The following ENTPD1 variants were observed in gnomAD, a reference collection of about 807,000 sequenced individuals.
ENTPD1 encodes ectonucleoside triphosphate diphosphohydrolase 1.
Under a neutral mutation model 57.0 loss-of-function variants are expected in ENTPD1, and 33 were observed. The observed-to-expected ratio is 0.58, with a 90% CI of 0.44 to 0.77. The LOEUF (loss-of-function observed/expected upper bound fraction) is 0.77, where lower values mean the gene tolerates loss of function less well. Among genes scored for constraint, ENTPD1 ranks in the 30% least tolerant of loss-of-function variants. The pLI, the probability that ENTPD1 is intolerant of heterozygous loss-of-function variation, is 0.00. For missense variants in ENTPD1, 501 were observed against 603.4 expected, an observed-to-expected ratio of 0.83 and a Z score of 1.78; for synonymous variants, 202 against 218.8, an observed-to-expected ratio of 0.92 and a Z score of 0.68.
intron 1 of ENTPD1, among the ~76,000 whole-genome samples, chr10:95,786,491 T>C (rs2098180550): frequency 6.6e-6 from 1 of 152,112 alleles, no homozygotes; most frequent in Admixed American, 6.6e-5. Flanking sequence ...TGCACTACCG[T>C]CCTTTGCCTG....
chr10:95,734,982 T>C (rs1290722047), intron 1 of ENTPD1, among the ~76,000 whole-genome samples: 1 of 152,178 alleles, frequency 6.6e-6, no homozygotes. Flanking sequence ...TTTTCTACAT[T>C]GAATCTGTAT....
chr10:95,705,494 G>C, the ENTPD1 span, among the ~76,000 whole-genome samples: 2 of 151,626 alleles, frequency 1.3e-5, no homozygotes, highest in Admixed American at 1.3e-4. Flanking sequence ...AATTTTTTTT[G>C]TTGTTGTTGT....
Position 95,869,585 on chromosome 10 carries a change from T to C in ENTPD1, c.*3202T>C. The stretch of plus-strand genomic sequence containing the variant: ...ACTTCTGTAGACAAAAGAATAATGC[T>C]ACTTAATCAGGCTTTCTGTGTGACA... On this transcript the variant is annotated 3_prime_UTR_variant, in exon 10 of 10. Coordinates refer to ENST00000371205, the MANE Select transcript of ENTPD1 (RefSeq NM_001776.6). The C allele has an allele frequency of 1.0e-6, 1 of 985,346 alleles. No individual in the cohort carries two copies. Among genetic ancestry groups the C allele is most frequent in the Non-Finnish European group, 1.2e-6 (1 of 829,928 alleles). The allele number at this position is 985,346 out of a possible 1,614,324, so 61.0% of individuals were successfully genotyped here. A position where few individuals can be genotyped will look rare whatever the true frequency, so the allele number is the denominator to read the frequency against.
chr10:95,762,933 G>A (rs1194828176), intron 1 of ENTPD1, among the ~76,000 whole-genome samples: 2 of 151,796 alleles, frequency 1.3e-5, no homozygotes, highest in African/African-American at 4.8e-5. Flanking sequence ...CATTTTTCAC[G>A]ATATACTTCT....
chr10:95,802,467 TA>T lies in ENTPD1; in HGVS notation c.17-20766del, dbSNP rs2098253802. 2.0e-5 allele frequency among the ~76,000 whole-genome samples: 3 copies of T among 152,202 alleles called. No individual in the cohort carries two copies. In the South Asian group the frequency reaches 6.2e-4, roughly 31 times the overall value. On this transcript the variant is annotated intron_variant, in intron 1 of 9. Transcript: ENST00000371205. Reference sequence around the variant, plus strand: ...TGATTTATTTCCCACCTTCTTTTTTTAAAATTATGCGTTAAGTTCTAGGGTA... The same window carrying T: ...TGATTTATTTCCCACCTTCTTTTTTTAAATTATGCGTTAAGTTCTAGGGTA...
rs190189418 is a variant in ENTPD1, at chr10:95,861,853, G to A, written c.1188+1271G>A. Among the ~76,000 whole-genome samples the A allele has an allele frequency of 5.6e-4, 85 of 152,094 alleles. 2 individuals carry two copies. Among genetic ancestry groups the A allele is most frequent in the African/African-American group, 1.6e-3 (68 of 41,468 alleles). On this transcript the variant is annotated intron_variant, in intron 8 of 9. Coordinates refer to ENST00000371205, the MANE Select transcript of ENTPD1 (RefSeq NM_001776.6). Reference sequence around the variant, plus strand: ...ACTAAAAATACAAAAAAAATTAGCCGGGCATGGTGGTGGGCACCTGTAGTC... The same window carrying A: ...ACTAAAAATACAAAAAAAATTAGCCAGGCATGGTGGTGGGCACCTGTAGTC...
intron 1 of ENTPD1, among the ~76,000 whole-genome samples, chr10:95,769,469 G>C (rs1222788759): frequency 6.6e-6 from 1 of 152,220 alleles, no homozygotes; most frequent in African/African-American, 2.4e-5. Flanking sequence ...TGGTTGGAGT[G>C]GAGAAAGCAA....
rs1178476919 is a variant in ENTPD1 at position 95,835,692 on chromosome 10, GA to G, written c.145-3998del. ...ATTCATCTCTCTGATGACCAGTGAT[GA>G]TGAGCATTTTTTCAAAAGTGTATTG... On this transcript the variant is annotated intron_variant, in intron 2 of 9. Transcript: ENST00000371205. 1.3e-3 allele frequency among the ~76,000 whole-genome samples: 200 copies of G among 152,286 alleles called. 2 individuals are homozygous for G. The highest frequency in any genetic ancestry group is 1.2e-3 in the Admixed American group (18 of 15,300).
At chr10:95,825,784 T>C (rs935176561) in intron 2 of ENTPD1, among the ~76,000 whole-genome samples, 1 of 152,114 alleles carries the variant, frequency 6.6e-6, no homozygotes, top group Non-Finnish European at 1.5e-5. Flanking sequence ...TTCACCATGT[T>C]AGCCAGGATG....
chr10:95,758,442 C>T (rs1165423884), intron 1 of ENTPD1, among the ~76,000 whole-genome samples: 1 of 152,168 alleles, frequency 6.6e-6, no homozygotes, highest in Non-Finnish European at 1.5e-5. Context: ...TTTGCTATCA[C>T]TGCTTGAAGC....
chr10:95,785,698 T>G (rs1251402289), intron 1 of ENTPD1, among the ~76,000 whole-genome samples: 1 of 152,166 alleles, frequency 6.6e-6, no homozygotes, highest in Non-Finnish European at 1.5e-5. Flanking sequence ...CAATGTCTCC[T>G]AATAATTAAG....
intron 1 of ENTPD1, among the ~76,000 whole-genome samples, chr10:95,738,057 G>C (rs2097996512): frequency 6.6e-6 from 1 of 152,174 alleles, no homozygotes; most frequent in African/African-American, 2.4e-5. Flanking sequence ...AAGGAAGGGA[G>C]GGAAGATGAA....
At position 95,866,718 on chromosome 10, in the gene ENTPD1, A is replaced by G; in HGVS notation, c.*335A>G. 2 of 1,173,450 alleles carry G rather than the reference A, an allele frequency of 1.7e-6. No individual in the cohort carries two copies. The highest frequency in any genetic ancestry group is 5.9e-5 in the East Asian group (1 of 16,874). The allele number at this position is 1,173,450 out of a possible 1,614,324, so 72.7% of individuals were successfully genotyped here. A position where few individuals can be genotyped will look rare whatever the true frequency, so the allele number is the denominator to read the frequency against. On this transcript the variant is annotated 3_prime_UTR_variant, in exon 10 of 10. Transcript: ENST00000371205. Reference sequence around the variant, plus strand: ...ATTGACTTTGTCTAGAAGAACTGAGAGTCTTGAGTCCTGTGATAGGAGGCT... The same window carrying G: ...ATTGACTTTGTCTAGAAGAACTGAGGGTCTTGAGTCCTGTGATAGGAGGCT...
chr10:95,738,886 G>A (rs750546971), intron 1 of ENTPD1, among the ~76,000 whole-genome samples: 66 of 152,134 alleles, frequency 4.3e-4, no homozygotes, highest in Non-Finnish European at 7.5e-4. Context: ...AGAATTTGAA[G>A]TCACACTTTG....
At chr10:95,834,394 G>T (rs2098404544) in intron 2 of ENTPD1, among the ~76,000 whole-genome samples, 1 of 152,046 alleles carries the variant, frequency 6.6e-6, no homozygotes, top group Admixed American at 6.6e-5. Context: ...GATCAGGAGG[G>T]TAGGATCTAA....
Position 95,871,505 on chromosome 10 carries a change from CT to C in ENTPD1, c.*5127del, listed in dbSNP as rs2098480402. ...GGACAATGTATAGCTAATTACCCAA[CT>C]TTTTATTTGCATACAAATCTAATAC... On this transcript the variant is annotated 3_prime_UTR_variant, in exon 10 of 10. Coordinates refer to ENST00000371205, the MANE Select transcript of ENTPD1 (RefSeq NM_001776.6). The C allele has an allele frequency of 1.0e-6, 1 of 985,266 alleles. No homozygotes were observed. The highest frequency in any genetic ancestry group is 1.7e-5 in the African/African-American group (1 of 57,224). The allele number at this position is 985,266 out of a possible 1,614,324, so 61.0% of individuals were successfully genotyped here.
rs549504402 is a variant in ENTPD1 at position 95,864,906 on chromosome 10, G to C, written c.1326+45G>C. On this transcript the variant is annotated intron_variant, in intron 9 of 9. Transcript: ENST00000371205. Reference sequence around the variant, plus strand: ...GGCTGGGGGGAGGTTGGGGTTCGGTGGTAGTGACTGAAGCAGTTTGGGGCT... The same window carrying C: ...GGCTGGGGGGAGGTTGGGGTTCGGTCGTAGTGACTGAAGCAGTTTGGGGCT... 130 of 1,605,904 alleles carry C rather than the reference G, an allele frequency of 8.1e-5. 2 individuals are homozygous for C. The South Asian group carries it at 1.3e-3, about 16-fold the overall frequency.
At chr10:95,755,927 GAGAA>G (rs2098021403), upstream of ENTPD1, 1 of 1,486,730 alleles carries the variant, frequency 6.7e-7, no homozygotes, top group Non-Finnish European at 8.9e-7. Context: ...GGGAAGAAGG[GAGAA>G]AGAGAGAGAG....
intron 1 of ENTPD1, among the ~76,000 whole-genome samples, chr10:95,745,063 G>C (rs988625930): frequency 6.6e-6 from 1 of 152,126 alleles, no homozygotes; most frequent in Non-Finnish European, 1.5e-5. Flanking sequence ...TAGATAATGA[G>C]TACTTTGTTT....
Sources: gnomAD v4.1 joint callset for allele counts (sites outside exome capture counted in the v4.1 genomes callset) on GRCh38, gnomAD v4.1.1 for gene constraint, MANE v1.5 for transcripts, NCBI Gene and HGNC (gene_info 2026-07-23, HGNC 2026-07-21) for gene names.